ST8SIA1: variants seen among roughly 807,000 people sequenced by gnomAD.
ST8SIA1 encodes the protein alpha-N-acetylneuraminide alpha-2,8-sialyltransferase.
Under a neutral mutation model 35.9 loss-of-function variants are expected in ST8SIA1, and 16 were observed. The ratio of observed to expected loss-of-function variants is 0.45; its 90% CI spans 0.30 to 0.68. The LOEUF (loss-of-function observed/expected upper bound fraction) is 0.68, where lower values mean the gene tolerates loss of function less well. Among genes scored for constraint, ST8SIA1 ranks in the 30% least tolerant of loss-of-function variants. ST8SIA1 has a pLI of 0.09. For synonymous variants in ST8SIA1, 170 were observed against 169.6 expected, an observed-to-expected ratio of 1.00 and a Z score of -0.02; for missense variants, 383 against 453.6, an observed-to-expected ratio of 0.84 and a Z score of 1.41.
chr12:22,289,428 G>A lies in ST8SIA1; in HGVS notation c.237-2135C>T, dbSNP rs551933648. On this transcript the variant is annotated intron_variant, in intron 1 of 4. Transcript: ENST00000396037. ...AGAGTCCAGGCTTTCTCCTCTTTGCGAGCTACCTGCTCAGAACCATTTTGA... is the reference window on the plus strand; with the variant it reads ...AGAGTCCAGGCTTTCTCCTCTTTGCAAGCTACCTGCTCAGAACCATTTTGA... Among the ~76,000 whole-genome samples, 4 of 152,120 alleles carry A rather than the reference G, an allele frequency of 2.6e-5. No individual in the cohort carries two copies. The East Asian group carries it at 5.8e-4, about 22-fold the overall frequency.
intron 1 of ST8SIA1, among the ~76,000 whole-genome samples, chr12:22,322,727 C>T (rs1325355901): frequency 1.3e-5 from 2 of 152,212 alleles, no homozygotes; most frequent in East Asian, 1.9e-4. Flanking sequence ...GTCACCAACA[C>T]TTCACCACCA....
intron 1 of ST8SIA1, among the ~76,000 whole-genome samples, chr12:22,295,995 C>T (rs1218186374): frequency 1.3e-5 from 2 of 152,200 alleles, no homozygotes; most frequent in African/African-American, 4.8e-5. Flanking sequence ...GTCCTTCTCA[C>T]ATCTGCTGTT....
chr12:22,329,483 A>G (rs1288118651), intron 1 of ST8SIA1, among the ~76,000 whole-genome samples: 1 of 152,234 alleles, frequency 6.6e-6, no homozygotes, highest in Non-Finnish European at 1.5e-5. Flanking sequence ...AATTTGCAAC[A>G]TAACTGTAGC....
At chr12:22,276,166 C>G (rs1329963948) in intron 2 of ST8SIA1, among the ~76,000 whole-genome samples, 3 of 152,156 alleles carry the variant, frequency 2.0e-5, no homozygotes, top group Non-Finnish European at 2.9e-5. Flanking sequence ...AACCCAGCAA[C>G]AACAAAAAAA....
At chr12:22,296,912 T>C (rs1591847969) in intron 1 of ST8SIA1, among the ~76,000 whole-genome samples, 1 of 152,156 alleles carries the variant, frequency 6.6e-6, no homozygotes, top group Admixed American at 6.5e-5. Flanking sequence ...CTTTTAGACA[T>C]GTGCGCAAGT....
At chr12:22,229,436 G>A (rs1451369315) in intron 4 of ST8SIA1, among the ~76,000 whole-genome samples, 1 of 151,818 alleles carries the variant, frequency 6.6e-6, no homozygotes, top group African/African-American at 2.4e-5. Context: ...GGGCAACATA[G>A]GGAGAACTTG....
chr12:22,246,604 G>T (rs1026942263), intron 4 of ST8SIA1, among the ~76,000 whole-genome samples: 2 of 152,038 alleles, frequency 1.3e-5, no homozygotes, highest in Non-Finnish European at 2.9e-5. Context: ...CTGGTTCTTT[G>T]TCACAGTCTT....
At chr12:22,307,269 G>A (rs971768227) in intron 1 of ST8SIA1, among the ~76,000 whole-genome samples, 11 of 152,004 alleles carry the variant, frequency 7.2e-5, no homozygotes, top group Admixed American at 2.6e-4. Flanking sequence ...GTTGATCCAC[G>A]GGGACTCAGC....
intron 1 of ST8SIA1, among the ~76,000 whole-genome samples, chr12:22,288,502 G>A (rs1027981366): frequency 3.3e-5 from 5 of 152,182 alleles, no homozygotes; most frequent in African/African-American, 1.2e-4. Flanking sequence ...ATTGTTGCCA[G>A]GAATCAGCCT....
chr12:22,289,456 C>G (rs1866148644), intron 1 of ST8SIA1, among the ~76,000 whole-genome samples: 2 of 152,246 alleles, frequency 1.3e-5, no homozygotes, highest in Non-Finnish European at 2.9e-5. Flanking sequence ...CATTTTGATT[C>G]ATTTGTATCT....
intron 1 of ST8SIA1, among the ~76,000 whole-genome samples, chr12:22,292,511 T>C (rs1378577206): frequency 6.6e-6 from 1 of 152,164 alleles, no homozygotes; most frequent in Non-Finnish European, 1.5e-5. Context: ...TAGATGCTCA[T>C]CAACAGTGGA....
intron 1 of ST8SIA1, among the ~76,000 whole-genome samples, chr12:22,327,462 CAGG>C (rs1407061626): frequency 6.6e-6 from 1 of 152,190 alleles, no homozygotes; most frequent in Admixed American, 6.5e-5. Flanking sequence ...AAGCCACTCT[CAGG>C]AAGAAGATTG....
At chr12:22,322,826 A>G (rs765200734) in intron 1 of ST8SIA1, among the ~76,000 whole-genome samples, 2 of 152,274 alleles carry the variant, frequency 1.3e-5, no homozygotes, top group Non-Finnish European at 2.9e-5. Flanking sequence ...GATCTGCTGC[A>G]GATTCATGCT....
At chr12:22,325,891 T>A (rs1375644341) in intron 1 of ST8SIA1, 1 of 701,376 alleles carries the variant, frequency 1.4e-6, no homozygotes, top group Non-Finnish European at 2.6e-6. Flanking sequence ...AAGATGGATA[T>A]TAAGTGACTC....
rs147463517 is a variant in ST8SIA1 at position 22,312,922 on chromosome 12, C to T, written c.236+21075G>A. 5.4e-3 allele frequency among the ~76,000 whole-genome samples: 819 copies of T among 152,116 alleles called. 11 individuals carry two copies. The highest frequency in any genetic ancestry group is 0.018 in the African/African-American group (753 of 41,506). ...ATTTCTTGTGAATTACTGGTCTAAC[C>T]CTTTGGTATACAGAGATGATAATTT... On this transcript the variant is annotated intron_variant, in intron 1 of 4. Transcript: ENST00000396037.
chr12:22,227,984 C>T (rs940334110), intron 4 of ST8SIA1, among the ~76,000 whole-genome samples: 1 of 152,238 alleles, frequency 6.6e-6, no homozygotes, highest in Non-Finnish European at 1.5e-5. Flanking sequence ...TCCAGCTGCA[C>T]TGTTCTAAGG....
In ST8SIA1 at chr12:22,286,665, T is replaced by C. The variant is rs185809013; in HGVS notation, c.381+484A>G. ...TTAGACCACTTCAAAAGTGGTCAAG[T>C]TGAATTATTCCTCTCCATATCCACC... On this transcript the variant is annotated intron_variant, in intron 2 of 4. Transcript: ENST00000396037. The C allele has an allele frequency of 1.2e-3, 511 of 431,620 alleles. 4 individuals are homozygous for C. In the Admixed American group the frequency reaches 0.013, roughly 11 times the overall value. 26.7% of individuals were successfully genotyped at this position (431,620 alleles called of 1,614,324 possible).
chr12:22,307,692 T>C (rs1032186122), intron 1 of ST8SIA1, among the ~76,000 whole-genome samples: 1 of 152,238 alleles, frequency 6.6e-6, no homozygotes, highest in African/African-American at 2.4e-5. Flanking sequence ...CAGATATCAC[T>C]AGGCCATCTG....
chr12:22,199,857 A>G lies in ST8SIA1; in HGVS notation c.*1695T>C, dbSNP rs1238078866. 2 of 152,162 alleles carry G rather than the reference A, an allele frequency of 1.3e-5. No individual in the cohort carries two copies. The highest frequency in any genetic ancestry group is 2.9e-5 in the Non-Finnish European group (2 of 68,006). The allele number at this position is 152,162 out of a possible 1,614,324, so 9.4% of individuals were successfully genotyped here. A position where few individuals can be genotyped will look rare whatever the true frequency, so the allele number is the denominator to read the frequency against. On this transcript the variant is annotated 3_prime_UTR_variant, in exon 5 of 5. Transcript: ENST00000396037. The stretch of plus-strand genomic sequence containing the variant: ...AACTTTTTGGTACAGTTTACCTACA[A>G]TTTAGTGACATTTAAAATAAAAAAG...
Sources: gnomAD v4.1 joint callset for allele counts (sites outside exome capture counted in the v4.1 genomes callset) on GRCh38, gnomAD v4.1.1 for gene constraint, MANE v1.5 for transcripts, NCBI Gene and HGNC (gene_info 2026-07-23, HGNC 2026-07-21) for gene names.